RALGAPA2: variants seen among roughly 807,000 people sequenced by gnomAD.
RALGAPA2 encodes ral GTPase-activating protein subunit alpha-2.
A neutral mutation model predicts 230.4 loss-of-function variants in RALGAPA2; 139 were observed. That is an observed-to-expected ratio of 0.60 (90% CI 0.53 to 0.69). The LOEUF (loss-of-function observed/expected upper bound fraction) is 0.69. RALGAPA2 is among the 30% of genes least tolerant of loss of function. The pLI, the probability that RALGAPA2 is intolerant of heterozygous loss-of-function variation, is 0.00. For missense variants in RALGAPA2, 2,163 were observed against 2,276.0 expected (o/e 0.95, Z 1.01); for synonymous variants, 847 against 837.8 (o/e 1.01, Z -0.19).
chr20:20,592,589 C>A (rs1471136874), intron 16 of RALGAPA2, among the ~76,000 whole-genome samples: 1 of 152,196 alleles, frequency 6.6e-6, no homozygotes, highest in Non-Finnish European at 1.5e-5. Flanking sequence ...AGAATATTTT[C>A]CACAAATTTT....
At chr20:20,537,208 A>G (rs2063520296) in intron 24 of RALGAPA2, among the ~76,000 whole-genome samples, 1 of 152,210 alleles carries the variant, frequency 6.6e-6, no homozygotes. Flanking sequence ...GAGAAGACAA[A>G]CTATCAAATT....
chr20:20,435,412 C>T (rs2060588152), intron 37 of RALGAPA2, among the ~76,000 whole-genome samples: 1 of 152,220 alleles, frequency 6.6e-6, no homozygotes, highest in Non-Finnish European at 1.5e-5. Flanking sequence ...ATAACAGCAT[C>T]TACAGTTAAG....
chr20:20,522,447 A>G (rs1232470132), intron 30 of RALGAPA2, among the ~76,000 whole-genome samples: 2 of 152,210 alleles, frequency 1.3e-5, no homozygotes, highest in Non-Finnish European at 2.9e-5. Context: ...TGAGCAAAAG[A>G]TGTCAGACAA....
chr20:20,540,681 T>A (rs1303133578), intron 24 of RALGAPA2, among the ~76,000 whole-genome samples: 1 of 152,216 alleles, frequency 6.6e-6, no homozygotes, highest in African/African-American at 2.4e-5. Context: ...ACACTTCATG[T>A]GAATTTGACC....
At chr20:20,423,670 TTATC>T (rs921511972) in intron 37 of RALGAPA2, among the ~76,000 whole-genome samples, 2 of 152,218 alleles carry the variant, frequency 1.3e-5, no homozygotes, top group Non-Finnish European at 2.9e-5. Context: ...TCACAAGATT[TTATC>T]TCTCTTTCAA....
At chr20:20,666,568 G>A (rs2067961409) in intron 3 of RALGAPA2, among the ~76,000 whole-genome samples, 2 of 152,184 alleles carry the variant, frequency 1.3e-5, no homozygotes, top group South Asian at 4.1e-4. Flanking sequence ...GGCATGGGAG[G>A]AGGGAGCAGC....
rs569352734 is a variant in RALGAPA2, at chr20:20,391,806, C to T, written c.*1483G>A. On this transcript the variant is annotated 3_prime_UTR_variant, in exon 40 of 40. Transcript: ENST00000202677. The stretch of plus-strand genomic sequence containing the variant: ...AGGGCACAGGAAGGTGGGGAGGCCT[C>T]CCGCACAGGGCCCGCCTTTCCCAGG... 2.0e-5 allele frequency: 3 copies of T among 152,936 alleles called. No homozygotes were observed. The East Asian group carries it at 5.8e-4, about 29-fold the overall frequency. The allele number at this position is 152,936 out of a possible 1,614,324, so 9.5% of individuals were successfully genotyped here.
At chr20:20,470,237 C>T (rs1191527463) in intron 37 of RALGAPA2, among the ~76,000 whole-genome samples, 7 of 152,182 alleles carry the variant, frequency 4.6e-5, no homozygotes, top group African/African-American at 1.7e-4. Context: ...CCATCCTTAG[C>T]TTAATTAGAA....
At chr20:20,509,521 C>T (rs572132274) in intron 33 of RALGAPA2, among the ~76,000 whole-genome samples, 1 of 152,094 alleles carries the variant, frequency 6.6e-6, no homozygotes, top group Admixed American at 6.5e-5. Context: ...GGAAAAAAGG[C>T]CCTCATGTCC....
intron 24 of RALGAPA2, among the ~76,000 whole-genome samples, chr20:20,541,784 T>C (rs889877121): frequency 2.0e-5 from 3 of 152,218 alleles, no homozygotes; most frequent in Admixed American, 6.5e-5. Context: ...TCTGTAAGGC[T>C]ACTTTAATAG....
rs962383955 is a variant in RALGAPA2, at chr20:20,653,256, T to C, written c.328+274A>G. Among the ~76,000 whole-genome samples the C allele has an allele frequency of 2.7e-5, 4 of 146,662 alleles. No homozygotes were observed. The East Asian group carries it at 8.4e-4, about 31-fold the overall frequency. On this transcript the variant is annotated intron_variant, in intron 4 of 39. Coordinates refer to ENST00000202677, the MANE Select transcript of RALGAPA2 (RefSeq NM_020343.4). ...ACTACTGTGATTCAGGAGGTCTGGC[T>C]GGGACCTGAGATTCTGCATCTCTAA...
intron 1 of RALGAPA2, among the ~76,000 whole-genome samples, chr20:20,695,489 T>C (rs1344203385): frequency 2.6e-5 from 4 of 152,220 alleles, no homozygotes; most frequent in Non-Finnish European, 4.4e-5. Context: ...GGAGCCTTAG[T>C]CCATATGAGT....
intron 24 of RALGAPA2, among the ~76,000 whole-genome samples, chr20:20,544,313 T>C (rs2063724855): frequency 6.8e-6 from 1 of 146,006 alleles, no homozygotes; most frequent in Non-Finnish European, 1.5e-5. Context: ...TCCCAGCTAC[T>C]GGGTGACAGA....
Position 20,535,809 on chromosome 20 carries a change from AAC to A in RALGAPA2, c.3415-8_3415-7del, listed in dbSNP as rs2063482028. On this transcript the variant is annotated splice_region_variant and splice_polypyrimidine_tract_variant and intron_variant, in intron 25 of 39. Coordinates refer to ENST00000202677, the MANE Select transcript of RALGAPA2 (RefSeq NM_020343.4). ...AAAATATTTATGAGGTAATGCTAAA[AAC>A]ACAAAATTAAGTAAAATAAAAACTT... is the stretch of plus-strand genomic sequence containing the variant. The A allele has an allele frequency of 2.6e-6, 4 of 1,544,614 alleles. No homozygotes were observed. The highest frequency in any genetic ancestry group is 3.5e-6 in the Non-Finnish European group (4 of 1,143,944).
chr20:20,628,224 G>A (rs1299144238), intron 10 of RALGAPA2, among the ~76,000 whole-genome samples: 4 of 152,108 alleles, frequency 2.6e-5, no homozygotes, highest in African/African-American at 4.8e-5. Flanking sequence ...CCAGAAGTGA[G>A]AGGGCCAAAC....
At chr20:20,485,598 C>A (rs2061891133) in intron 36 of RALGAPA2, among the ~76,000 whole-genome samples, 1 of 151,994 alleles carries the variant, frequency 6.6e-6, no homozygotes, top group South Asian at 2.1e-4. Context: ...TATTATAATT[C>A]TTTTAAAAAC....
chr20:20,519,994 G>A (rs932523300), intron 31 of RALGAPA2, among the ~76,000 whole-genome samples: 9 of 151,998 alleles, frequency 5.9e-5, no homozygotes, highest in Admixed American at 3.9e-4. Flanking sequence ...TGATCTGCTC[G>A]CCTTGGCCTC....
At chr20:20,673,002 G>C (rs1168756907) in intron 3 of RALGAPA2, among the ~76,000 whole-genome samples, 2 of 151,902 alleles carry the variant, frequency 1.3e-5, no homozygotes, top group African/African-American at 2.4e-5. Flanking sequence ...GGCTAACACG[G>C]TGAAAACCCG....
intron 1 of RALGAPA2, among the ~76,000 whole-genome samples, chr20:20,693,187 T>C (rs2068979023): frequency 6.6e-6 from 1 of 152,188 alleles, no homozygotes; most frequent in Non-Finnish European, 1.5e-5. Context: ...TAAAAGTAAT[T>C]CTGTATAAAG....
Sources: gnomAD v4.1 joint callset for allele counts (sites outside exome capture counted in the v4.1 genomes callset) on GRCh38, gnomAD v4.1.1 for gene constraint, MANE v1.5 for transcripts, NCBI Gene and HGNC (gene_info 2026-07-23, HGNC 2026-07-21) for gene names.